Variants in GALNT1 observed in about 807,000 individuals in gnomAD.
The protein encoded by GALNT1 is GalNAc transferase 1.
Under a neutral mutation model 65.7 loss-of-function variants are expected in GALNT1, and 17 were observed. The ratio of observed to expected loss-of-function variants is 0.26; its 90% CI spans 0.18 to 0.39. The LOEUF (loss-of-function observed/expected upper bound fraction) is 0.39. Among genes scored for constraint, GALNT1 ranks in the 10% least tolerant of loss-of-function variants. GALNT1 has a pLI of 1.00. For missense variants in GALNT1, 460 were observed against 672.8 expected (o/e 0.68, Z 3.50); for synonymous variants, 210 against 219.7 (o/e 0.96, Z 0.39).
At position 35,705,306 on chromosome 18, in the gene GALNT1, A is replaced by C. The variant is rs2048238001; in HGVS notation, c.1533+1663A>C. The stretch of plus-strand genomic sequence containing the variant: ...ATCCTAACCTGAAATTAACTCTGTC[A>C]ATCTTAATTACAGTCATCTCTGACC... On this transcript the variant is annotated intron_variant, in intron 11 of 11. Transcript: ENST00000269195. Among the ~76,000 whole-genome samples the C allele has an allele frequency of 2.0e-5, 3 of 152,206 alleles. No homozygotes were observed. In the South Asian group the frequency reaches 6.2e-4, roughly 31 times the overall value.
At chr18:35,668,594 ATAG>A (rs2047582506) in intron 3 of GALNT1, among the ~76,000 whole-genome samples, 1 of 152,080 alleles carries the variant, frequency 6.6e-6, no homozygotes, top group Non-Finnish European at 1.5e-5. Context: ...AGGGTGTAGA[ATAG>A]TAGTTGCCAG....
chr18:35,642,666 A>C (rs1467289926), intron 1 of GALNT1, among the ~76,000 whole-genome samples: 1 of 152,198 alleles, frequency 6.6e-6, no homozygotes, highest in African/African-American at 2.4e-5. Context: ...TTCAAATAGT[A>C]TAGTCTGTCT....
At chr18:35,594,076 CTT>C (rs1360016829) in intron 1 of GALNT1, among the ~76,000 whole-genome samples, 15 of 137,510 alleles carry the variant, frequency 1.1e-4, no homozygotes, top group Non-Finnish European at 2.1e-4. Context: ...GTTTTTAAAT[CTT>C]TTCTTTGGGC....
chr18:35,609,918 T>C (rs1263959144), intron 1 of GALNT1, among the ~76,000 whole-genome samples: 1 of 152,192 alleles, frequency 6.6e-6, no homozygotes, highest in African/African-American at 2.4e-5. Flanking sequence ...CATTTGATCC[T>C]TTTAGATCGA....
At chr18:35,707,272 A>G (rs576207669) in intron 11 of GALNT1, among the ~76,000 whole-genome samples, 2 of 152,346 alleles carry the variant, frequency 1.3e-5, no homozygotes, top group East Asian at 3.9e-4. Flanking sequence ...TCTAGGATGC[A>G]GGTAGACTTT....
At chr18:35,608,570 CACTTTGTTTCTTCATTTAATAA>C (rs2046679048) in intron 1 of GALNT1, among the ~76,000 whole-genome samples, 1 of 152,112 alleles carries the variant, frequency 6.6e-6, no homozygotes, top group Non-Finnish European at 1.5e-5. Context: ...AACAAAGATT[CACTTTGTTTCTTCATTTAATAA>C]ACCTTAGTGT....
chr18:35,672,996 C>T (rs914100619), intron 3 of GALNT1, among the ~76,000 whole-genome samples: 5 of 152,088 alleles, frequency 3.3e-5, no homozygotes, highest in African/African-American at 1.2e-4. Flanking sequence ...GAACCTAGGT[C>T]TCAGGGACAA....
In GALNT1 at chr18:35,710,043, A is replaced by C; in HGVS notation, c.*273A>C. ...TCTTTCTCCGAAAATCATGGTAAAG[A>C]ATACTGAGACAATGAAAAAAAATCA... On this transcript the variant is annotated 3_prime_UTR_variant, in exon 12 of 12. Coordinates refer to ENST00000269195, the MANE Select transcript of GALNT1 (RefSeq NM_020474.4). The C allele has an allele frequency of 3.0e-6, 1 of 334,536 alleles. No individual in the cohort carries two copies. Among genetic ancestry groups the C allele is most frequent in the East Asian group, 4.9e-5 (1 of 20,584 alleles). The allele number at this position is 334,536 out of a possible 1,614,324, so 20.7% of individuals were successfully genotyped here.
At chr18:35,594,938 G>A (rs2046487270) in intron 1 of GALNT1, among the ~76,000 whole-genome samples, 1 of 152,170 alleles carries the variant, frequency 6.6e-6, no homozygotes, top group South Asian at 2.1e-4. Context: ...TATAAGCTTG[G>A]ATGTTGCTGC....
At chr18:35,597,665 C>A (rs1416964628) in intron 1 of GALNT1, 1 of 152,526 alleles carries the variant, frequency 6.6e-6, no homozygotes, top group Non-Finnish European at 1.5e-5. Context: ...ATCTGGGCTA[C>A]CTTGCCTATA....
intron 1 of GALNT1, among the ~76,000 whole-genome samples, chr18:35,616,096 A>G (rs867945748): frequency 9.2e-5 from 14 of 152,204 alleles, no homozygotes; most frequent in Middle Eastern, 3.2e-3. Context: ...TTAGTGAACT[A>G]CATCAATATG....
chr18:35,666,140 A>G (rs1355912685), intron 3 of GALNT1, among the ~76,000 whole-genome samples: 1 of 152,238 alleles, frequency 6.6e-6, no homozygotes, highest in Non-Finnish European at 1.5e-5. Flanking sequence ...ATTGAAATAC[A>G]TAGAAAACCA....
intron 1 of GALNT1, among the ~76,000 whole-genome samples, chr18:35,642,275 A>G (rs1305491587): frequency 2.0e-5 from 3 of 152,244 alleles, no homozygotes; most frequent in Non-Finnish European, 2.9e-5. Context: ...GCGGAATACT[A>G]TTCAGTAGTG....
chr18:35,584,542 A>G (rs184538454), intron 1 of GALNT1, among the ~76,000 whole-genome samples: 3 of 152,300 alleles, frequency 2.0e-5, no homozygotes, highest in East Asian at 1.9e-4. Context: ...GAGAGTTAGG[A>G]GTGACTACTT....
intron 8 of GALNT1, 183 bp downstream of exon 8, chr18:35,691,375 A>AATAT (rs1351945008): frequency 1.6e-5 from 7 of 441,522 alleles, no homozygotes; most frequent in Non-Finnish European, 2.7e-5. Flanking sequence ...TGCCTAGAAT[A>AATAT]ATATATAATT....
At chr18:35,673,942 A>G (rs185439261) in intron 3 of GALNT1, among the ~76,000 whole-genome samples, 10 of 152,342 alleles carry the variant, frequency 6.6e-5, no homozygotes, top group Admixed American at 5.2e-4. Context: ...AGCCTACTAC[A>G]CACCTAGGCT....
intron 1 of GALNT1, among the ~76,000 whole-genome samples, chr18:35,607,740 G>A (rs2046669415): frequency 6.6e-6 from 1 of 152,144 alleles, no homozygotes; most frequent in Non-Finnish European, 1.5e-5. Context: ...TGGAGGAAGG[G>A]TGAAAGAACG....
intron 1 of GALNT1, among the ~76,000 whole-genome samples, chr18:35,631,203 T>G (rs2047003374): frequency 6.6e-6 from 1 of 152,210 alleles, no homozygotes; most frequent in South Asian, 2.1e-4. Flanking sequence ...ACTCATTTTA[T>G]GAGGCCAGCA....
At chr18:35,669,108 G>C (rs2047592028) in intron 3 of GALNT1, among the ~76,000 whole-genome samples, 1 of 152,164 alleles carries the variant, frequency 6.6e-6, no homozygotes, top group Non-Finnish European at 1.5e-5. Flanking sequence ...AGGCGTGGTG[G>C]CACGCACCTG....
Sources: allele counts gnomAD v4.1 joint callset (sites outside exome capture counted in the v4.1 genomes callset), GRCh38; gene constraint gnomAD v4.1.1; transcripts MANE v1.5; gene names NCBI Gene and HGNC (gene_info 2026-07-23, HGNC 2026-07-21).